The following SSBP2 variants were observed in gnomAD, a reference collection of about 807,000 sequenced individuals.
SSBP2 encodes the protein single stranded DNA binding protein 2, also known as single-stranded DNA-binding protein 2.
In SSBP2, 17 loss-of-function variants were observed where a neutral mutation model predicts 61.8. That is an observed-to-expected ratio of 0.28 (90% CI 0.19 to 0.41). SSBP2 has a LOEUF of 0.41. Among genes scored for constraint, SSBP2 ranks in the 10% least tolerant of loss-of-function variants. SSBP2 has a pLI of 1.00. For synonymous variants in SSBP2, 139 were observed against 141.3 expected, an observed-to-expected ratio of 0.98 and a Z score of 0.12; for missense variants, 310 against 458.7, an observed-to-expected ratio of 0.68 and a Z score of 2.96.
chr5:81,553,113 G>A (rs1320746155), intron 4 of SSBP2, among the ~76,000 whole-genome samples: 2 of 152,122 alleles, frequency 1.3e-5, no homozygotes, highest in Admixed American at 6.5e-5. Flanking sequence ...TGAGGCCTTG[G>A]GTGAGTCACT....
intron 10 of SSBP2, among the ~76,000 whole-genome samples, chr5:81,456,513 C>A (rs1764160799): frequency 2.0e-5 from 3 of 151,510 alleles, no homozygotes; most frequent in South Asian, 2.1e-4. Flanking sequence ...GTGTTCCGGA[C>A]CTTGTAATCA....
intron 4 of SSBP2, among the ~76,000 whole-genome samples, chr5:81,539,887 C>T (rs1771115708): frequency 6.6e-6 from 1 of 152,146 alleles, no homozygotes; most frequent in Admixed American, 6.5e-5. Context: ...AATGCTATCC[C>T]TCCCTTAGCC....
intron 4 of SSBP2, among the ~76,000 whole-genome samples, chr5:81,555,362 G>C (rs1003230876): frequency 6.6e-6 from 1 of 151,980 alleles, no homozygotes; most frequent in African/African-American, 2.4e-5. Flanking sequence ...CATTTTGGTT[G>C]TTTTTTATGG....
chr5:81,636,499 G>A (rs774830225), intron 3 of SSBP2, 58 bp downstream of exon 3: 10 of 1,347,846 alleles, frequency 7.4e-6, no homozygotes, highest in African/African-American at 1.5e-5. Context: ...AACAGGTATA[G>A]TACAGGCCTA....
intron 1 of SSBP2, among the ~76,000 whole-genome samples, chr5:81,683,922 T>C (rs1752584549): frequency 6.6e-6 from 1 of 152,146 alleles, no homozygotes; most frequent in South Asian, 2.1e-4. Context: ...AATATTTGAA[T>C]GGCCAAAATT....
chr5:81,478,879 C>T (rs1238528809), intron 6 of SSBP2, among the ~76,000 whole-genome samples: 1 of 152,170 alleles, frequency 6.6e-6, no homozygotes, highest in Non-Finnish European at 1.5e-5. Context: ...CTGGTGGCAA[C>T]CATTTTCTTC....
At chr5:81,568,405 G>A (rs1270108723) in intron 4 of SSBP2, among the ~76,000 whole-genome samples, 1 of 152,134 alleles carries the variant, frequency 6.6e-6, no homozygotes, top group Non-Finnish European at 1.5e-5. Flanking sequence ...CTTACCTTCT[G>A]CCATGATTGT....
At chr5:81,599,562 G>A (rs924049797) in intron 4 of SSBP2, among the ~76,000 whole-genome samples, 12 of 152,178 alleles carry the variant, frequency 7.9e-5, no homozygotes, top group African/African-American at 2.9e-4. Context: ...ATTTTCCTTG[G>A]TAAAGTCTGA....
At chr5:81,469,847 C>CT (rs1263698026) in intron 8 of SSBP2, among the ~76,000 whole-genome samples, 2 of 151,938 alleles carry the variant, frequency 1.3e-5, no homozygotes, top group Non-Finnish European at 2.9e-5. Context: ...AATTTAGAAT[C>CT]ACTGAATTTT....
At chr5:81,583,547 A>G (rs765824961) in intron 4 of SSBP2, among the ~76,000 whole-genome samples, 57 of 151,094 alleles carry the variant, frequency 3.8e-4, no homozygotes, top group Non-Finnish European at 5.6e-4. Flanking sequence ...GGAGAATGGC[A>G]TGAACCCGGG....
At chr5:81,721,283 G>C (rs1365169463) in intron 1 of SSBP2, among the ~76,000 whole-genome samples, 3 of 151,878 alleles carry the variant, frequency 2.0e-5, no homozygotes, top group African/African-American at 7.3e-5. Context: ...AGAATCACAC[G>C]ACCTAAAAAT....
At chr5:81,587,471 C>T (rs762965088) in intron 4 of SSBP2, among the ~76,000 whole-genome samples, 4 of 152,106 alleles carry the variant, frequency 2.6e-5, no homozygotes, top group South Asian at 2.1e-4. Context: ...GTGGTTCACG[C>T]GTGAAATCCC....
chr5:81,711,322 TC>T (rs1754761780), intron 1 of SSBP2, among the ~76,000 whole-genome samples: 2 of 152,088 alleles, frequency 1.3e-5, no homozygotes, highest in African/African-American at 4.8e-5. Flanking sequence ...AAATATCTAT[TC>T]CAAATATACC....
rs566382325 is a variant in SSBP2, at chr5:81,503,338, C to G, written c.372+10290G>C. Reference sequence around the variant, plus strand: ...GTGTGGTGGTGCATGCCTGTAATCCCAGCTACTCGGGAGGCTGAGGCAGGA... The same window carrying G: ...GTGTGGTGGTGCATGCCTGTAATCCGAGCTACTCGGGAGGCTGAGGCAGGA... On this transcript the variant is annotated intron_variant, in intron 5 of 16. Transcript: ENST00000320672. Among the ~76,000 whole-genome samples, 3 of 152,230 alleles carry G rather than the reference C, an allele frequency of 2.0e-5. No individual in the cohort carries two copies. In the South Asian group the frequency reaches 6.2e-4, roughly 32 times the overall value.
chr5:81,652,867 T>C (rs565331572), intron 1 of SSBP2, among the ~76,000 whole-genome samples: 32 of 152,116 alleles, frequency 2.1e-4, no homozygotes, highest in East Asian at 9.7e-4. Context: ...TAGCATACAC[T>C]GTACCCAATT....
chr5:81,673,796 A>G (rs1423241468), intron 1 of SSBP2, among the ~76,000 whole-genome samples: 3 of 152,234 alleles, frequency 2.0e-5, no homozygotes, highest in African/African-American at 7.2e-5. Flanking sequence ...AATTAAAATG[A>G]TAAGAAGGCA....
chr5:81,526,998 G>A (rs773041568), intron 4 of SSBP2, among the ~76,000 whole-genome samples: 8 of 151,718 alleles, frequency 5.3e-5, no homozygotes, highest in African/African-American at 1.2e-4. Flanking sequence ...AAAAAGTAAC[G>A]CAACAGAATT....
At chr5:81,530,924 G>T (rs1284221160) in intron 4 of SSBP2, among the ~76,000 whole-genome samples, 1 of 152,022 alleles carries the variant, frequency 6.6e-6, no homozygotes, top group African/African-American at 2.4e-5. Flanking sequence ...AGTCAAGAAA[G>T]AATATAATTT....
At chr5:81,472,393 G>A (rs1765305989) in intron 8 of SSBP2, among the ~76,000 whole-genome samples, 1 of 152,096 alleles carries the variant, frequency 6.6e-6, no homozygotes, top group South Asian at 2.1e-4. Context: ...AGAGAAGTCA[G>A]CTAACATCTG....
Sources: gnomAD v4.1 joint callset for allele counts (sites outside exome capture counted in the v4.1 genomes callset) on GRCh38, gnomAD v4.1.1 for gene constraint, MANE v1.5 for transcripts, NCBI Gene and HGNC (gene_info 2026-07-23, HGNC 2026-07-21) for gene names.